FREM1: variants seen among roughly 807,000 people sequenced by gnomAD.
The protein encoded by FREM1 is FRAS1-related extracellular matrix protein 1.
A neutral mutation model predicts 210.1 loss-of-function variants in FREM1; 220 were observed. The observed-to-expected ratio is 1.05, with a 90% CI of 0.94 to 1.17. The LOEUF (loss-of-function observed/expected upper bound fraction) is 1.17, where lower values mean the gene tolerates loss of function less well. FREM1 is among the 50% of genes most tolerant of loss of function. The pLI, the probability that FREM1 is intolerant of heterozygous loss-of-function variation, is 0.00. For synonymous variants in FREM1, 1,189 were observed against 980.2 expected, an observed-to-expected ratio of 1.21 and a Z score of -3.98; for missense variants, 3,454 against 2,675.5, an observed-to-expected ratio of 1.29 and a Z score of -6.42.
chr9:14,839,395 G>C (rs573614556), intron 10 of FREM1, among the ~76,000 whole-genome samples: 1 of 152,238 alleles, frequency 6.6e-6, no homozygotes, highest in Non-Finnish European at 1.5e-5. Context: ...AAAGATGTCA[G>C]ATAGAGAGGT....
intron 4 of FREM1, among the ~76,000 whole-genome samples, chr9:14,858,469 G>A (rs1270453125): frequency 6.6e-6 from 1 of 151,188 alleles, no homozygotes; most frequent in Non-Finnish European, 1.5e-5. Flanking sequence ...CAAAGTGCTG[G>A]GATTATAGGT....
Position 14,859,364 on chromosome 9 carries a change from C to G in FREM1, c.450G>C (p.Leu150Phe). 2 of 1,613,908 alleles carry G rather than the reference C, an allele frequency of 1.2e-6. No homozygotes were observed. The highest frequency in any genetic ancestry group is 1.7e-6 in the Non-Finnish European group (2 of 1,179,852). ...GCAGATTTTTATCAATCGCTTGGGACAAGCCATTGAATTCAGGCACCTCCA... is the reference window on the plus strand; with the variant it reads ...GCAGATTTTTATCAATCGCTTGGGAGAAGCCATTGAATTCAGGCACCTCCA... ...NVLEVPEFNG[L>F]SQAIDKNLLR... The change falls in exon 4 of 37, where the codon TTG (leucine) becomes TTC (phenylalanine). Residue 150 changes from leucine (L) to phenylalanine (F), a missense_variant. Physicochemically the swap from Leu to Phe is conservative, Grantham distance 22 (BLOSUM62 0). Transcript: ENST00000380880.
intron 24 of FREM1, among the ~76,000 whole-genome samples, chr9:14,781,622 C>CAA (rs1849654801): frequency 6.6e-6 from 1 of 152,206 alleles, no homozygotes; most frequent in Admixed American, 6.5e-5. Context: ...CACTCACACA[C>CAA]AACACACACA....
chr9:14,874,611 C>T (rs1158596925), intron 1 of FREM1, among the ~76,000 whole-genome samples: 3 of 151,756 alleles, frequency 2.0e-5, no homozygotes, highest in African/African-American at 7.3e-5. Flanking sequence ...TGGTTCTTGA[C>T]TCTTTATCCA....
chr9:14,757,784 C>A (rs1336934435), intron 28 of FREM1, among the ~76,000 whole-genome samples: 1 of 152,062 alleles, frequency 6.6e-6, no homozygotes, highest in Non-Finnish European at 1.5e-5. Context: ...AAATCAAAGG[C>A]CCCCTCATAT....
chr9:14,839,629 G>A (rs1588287487), intron 10 of FREM1, among the ~76,000 whole-genome samples: 1 of 152,162 alleles, frequency 6.6e-6, no homozygotes, highest in Non-Finnish European at 1.5e-5. Context: ...AATTTGCCCA[G>A]ATTCAGAAAT....
chr9:14,861,154 T>C (rs550385462), intron 3 of FREM1, among the ~76,000 whole-genome samples: 1 of 106,666 alleles, frequency 9.4e-6, no homozygotes, highest in African/African-American at 4.3e-5. Flanking sequence ...TACACATATA[T>C]ACGTATATAC....
rs116714808 is a variant in FREM1, at chr9:14,790,473, C to T, written c.3982-1359G>A. ...AAAACAGACTCTTTCAGGTTTTAAA[C>T]GGGAAAGCCTGCAATTGTATTTCAC... is the stretch of plus-strand genomic sequence containing the variant. On this transcript the variant is annotated intron_variant, in intron 22 of 36. Transcript: ENST00000380880. Among the ~76,000 whole-genome samples the T allele has an allele frequency of 8.6e-3, 1,312 of 152,158 alleles. 37 individuals are homozygous for T. The highest frequency in any genetic ancestry group is 0.03 in the African/African-American group (1,244 of 41,518).
chr9:14,819,588 C>T (rs1588159916), intron 13 of FREM1, 146 bp from the exon 14 acceptor site: 3 of 570,732 alleles, frequency 5.3e-6, no homozygotes, highest in Non-Finnish European at 9.1e-6. Flanking sequence ...AAGTTCATAG[C>T]TAGACATTTT....
intron 27 of FREM1, among the ~76,000 whole-genome samples, chr9:14,761,948 C>A (rs1471492532): frequency 6.6e-6 from 1 of 152,186 alleles, no homozygotes; most frequent in East Asian, 1.9e-4. Context: ...TCTTACTGTG[C>A]CTAGCTTGTA....
At chr9:14,821,001 T>G (rs1821196538) in intron 13 of FREM1, among the ~76,000 whole-genome samples, 1 of 152,168 alleles carries the variant, frequency 6.6e-6, no homozygotes, top group Non-Finnish European at 1.5e-5. Flanking sequence ...AATATATATT[T>G]TAGGGCAACT....
chr9:14,903,148 T>A (rs1839073695), intron 1 of FREM1, among the ~76,000 whole-genome samples: 1 of 152,214 alleles, frequency 6.6e-6, no homozygotes, highest in Non-Finnish European at 1.5e-5. Flanking sequence ...TTTCAAAATT[T>A]AAGTAAAGTC....
At chr9:14,871,117 G>A (rs548791777) in intron 1 of FREM1, among the ~76,000 whole-genome samples, 5 of 152,178 alleles carry the variant, frequency 3.3e-5, no homozygotes, top group Admixed American at 2.0e-4. Context: ...ATAAACATAC[G>A]TGTGCATGTG....
intron 19 of FREM1, among the ~76,000 whole-genome samples, chr9:14,803,765 C>T (rs1321914251): frequency 6.6e-6 from 1 of 152,106 alleles, no homozygotes. Context: ...AAAACACTTG[C>T]CATATATGAT....
chr9:14,774,252 T>C, intron 25 of FREM1: 4 of 479,634 alleles, frequency 8.3e-6, no homozygotes, highest in Non-Finnish European at 1.6e-5. Flanking sequence ...TTAGATGGGA[T>C]TACGTTTACA....
chr9:14,793,943 A>G (rs575702619), intron 21 of FREM1, among the ~76,000 whole-genome samples: 1 of 152,344 alleles, frequency 6.6e-6, no homozygotes, highest in African/African-American at 2.4e-5. Context: ...TATTCCAGAA[A>G]GCTAAGCAAT....
At chr9:14,832,113 G>C (rs1240945363) in intron 10 of FREM1, among the ~76,000 whole-genome samples, 2 of 152,184 alleles carry the variant, frequency 1.3e-5, no homozygotes, top group African/African-American at 4.8e-5. Context: ...AAACTTTGAA[G>C]AAAAAGTGGT....
chr9:14,783,977 G>C (rs1276811467), intron 24 of FREM1, among the ~76,000 whole-genome samples: 3 of 152,200 alleles, frequency 2.0e-5, no homozygotes, highest in Admixed American at 6.5e-5. Flanking sequence ...GACTTTTCCA[G>C]ATCTATCTTT....
rs1405428594 is a variant in FREM1, at chr9:14,873,401, G to C, written c.-267-4157C>G. Among the ~76,000 whole-genome samples, 6 of 152,192 alleles carry C rather than the reference G, an allele frequency of 3.9e-5. 1 individual carries two copies. In the South Asian group the frequency reaches 1.0e-3, roughly 26 times the overall value. On this transcript the variant is annotated intron_variant, in intron 1 of 36. Transcript: ENST00000380880. ...CTTCTTCCTGGTTTAGTCTTCGGAG[G>C]GTGTATGTGTCGAGGAATTTATCCA...
Sources: gnomAD v4.1 joint callset for allele counts (sites outside exome capture counted in the v4.1 genomes callset) on GRCh38, gnomAD v4.1.1 for gene constraint, MANE v1.5 for transcripts, NCBI Gene and HGNC (gene_info 2026-07-23, HGNC 2026-07-21) for gene names.